The following RBMS3 variants were observed in gnomAD, a reference collection of about 807,000 sequenced individuals.
RBMS3 encodes RNA-binding motif, single-stranded-interacting protein 3.
Under a neutral mutation model 66.8 loss-of-function variants are expected in RBMS3, and 27 were observed. That is an observed-to-expected ratio of 0.40 (90% CI 0.30 to 0.56). The LOEUF (loss-of-function observed/expected upper bound fraction) is 0.56, where lower values mean the gene tolerates loss of function less well. Among genes scored for constraint, RBMS3 ranks in the 20% least tolerant of loss-of-function variants. The pLI is 0.40. For synonymous variants in RBMS3, 188 were observed against 183.0 expected (o/e 1.03, Z -0.22); for missense variants, 513 against 549.5 (o/e 0.93, Z 0.66).
At chr3:29,942,437 C>A (rs1270603646) in intron 11 of RBMS3, among the ~76,000 whole-genome samples, 1 of 151,682 alleles carries the variant, frequency 6.6e-6, no homozygotes, top group South Asian at 2.1e-4. Context: ...GCAGGAAGAT[C>A]AACTAAGCCC....
chr3:29,517,170 G>A lies in RBMS3; in HGVS notation c.307+28671G>A, dbSNP rs370673438. 1.7e-3 allele frequency among the ~76,000 whole-genome samples: 254 copies of A among 151,888 alleles called. 1 individual carries two copies. The highest frequency in any genetic ancestry group is 5.9e-3 in the African/African-American group (244 of 41,412). ...CAAGGCTGCAGAGCGTTTTGGTTGC[G>A]TCACTGCACTCCAGCCTGGGCGACA... On this transcript the variant is annotated intron_variant, in intron 3 of 14. Transcript: ENST00000383767.
At chr3:29,477,702 G>A (rs953042264) in intron 2 of RBMS3, among the ~76,000 whole-genome samples, 1 of 151,996 alleles carries the variant, frequency 6.6e-6, no homozygotes, top group South Asian at 2.1e-4. Context: ...AAAAATGAGA[G>A]ATATGTCAGT....
chr3:29,368,176 T>C lies in RBMS3; in HGVS notation c.76-66567T>C, dbSNP rs74519259. The stretch of plus-strand genomic sequence containing the variant: ...CTATCAAAATTGAGAAGTTTTATCC[T>C]GAAATAGCTTACCAATGGAAGTTAG... On this transcript the variant is annotated intron_variant, in intron 1 of 14. Coordinates refer to ENST00000383767, the MANE Select transcript of RBMS3 (RefSeq NM_001003793.3). Among the ~76,000 whole-genome samples the C allele has an allele frequency of 6.6e-3, 1,007 of 152,288 alleles. 10 individuals carry two copies. The highest frequency in any genetic ancestry group is 0.023 in the African/African-American group (953 of 41,576).
chr3:29,467,030 T>C (rs9873633), intron 2 of RBMS3, among the ~76,000 whole-genome samples: 57,505 of 151,770 alleles, frequency 0.38, 11,064 homozygotes, highest in Admixed American at 0.49. Context: ...CCAAAGGCTA[T>C]GGGGAAATTT....
At chr3:29,431,227 TG>T (rs2125717424) in intron 1 of RBMS3, among the ~76,000 whole-genome samples, 1 of 152,176 alleles carries the variant, frequency 6.6e-6, no homozygotes, top group African/African-American at 2.4e-5. Flanking sequence ...TAAAATTCTA[TG>T]TGAAAAATGT....
intron 1 of RBMS3, among the ~76,000 whole-genome samples, chr3:29,306,633 C>T (rs1459784252): frequency 6.6e-6 from 1 of 151,832 alleles, no homozygotes; most frequent in East Asian, 2.0e-4. Context: ...ACATTTCTGC[C>T]AGAACCAGAA....
At chr3:29,721,042 A>C (rs948784622) in intron 4 of RBMS3, among the ~76,000 whole-genome samples, 1 of 152,168 alleles carries the variant, frequency 6.6e-6, no homozygotes, top group Non-Finnish European at 1.5e-5. Context: ...GAATTTCAAA[A>C]ATATTTAGTG....
chr3:29,534,711 G>A (rs1463519053), intron 3 of RBMS3, among the ~76,000 whole-genome samples: 2 of 152,176 alleles, frequency 1.3e-5, no homozygotes, highest in East Asian at 3.9e-4. Flanking sequence ...AAATCTTCTA[G>A]ATGGTGACAA....
At chr3:29,556,213 C>T (rs1030292517) in intron 3 of RBMS3, 3 of 152,070 alleles carry the variant, frequency 2.0e-5, no homozygotes, top group African/African-American at 4.8e-5. Flanking sequence ...ATTAATGTAA[C>T]TTTATTTGAT....
intron 1 of RBMS3, among the ~76,000 whole-genome samples, chr3:29,293,677 C>G (rs1480235511): frequency 6.6e-6 from 1 of 151,626 alleles, no homozygotes. Flanking sequence ...TTCTCCATCT[C>G]CCTGTCTTTC....
intron 3 of RBMS3, among the ~76,000 whole-genome samples, chr3:29,566,079 C>CTTGACTAA (rs767539122): frequency 1.3e-5 from 2 of 152,182 alleles, no homozygotes; most frequent in Non-Finnish European, 2.9e-5. Flanking sequence ...CATTCACTTA[C>CTTGACTAA]TTATTGACTC....
At chr3:29,621,289 T>C (rs1359683296) in intron 4 of RBMS3, among the ~76,000 whole-genome samples, 1 of 152,116 alleles carries the variant, frequency 6.6e-6, no homozygotes. Flanking sequence ...TAAACTCTTA[T>C]GCCCTCTGAA....
At chr3:29,541,156 T>C (rs550572445) in intron 3 of RBMS3, among the ~76,000 whole-genome samples, 1 of 152,218 alleles carries the variant, frequency 6.6e-6, no homozygotes, top group East Asian at 1.9e-4. Flanking sequence ...ACTAAATGAA[T>C]ATAAAATATG....
chr3:29,316,563 C>T (rs1417516977), intron 1 of RBMS3, among the ~76,000 whole-genome samples: 1 of 151,602 alleles, frequency 6.6e-6, no homozygotes, highest in African/African-American at 2.4e-5. Context: ...TCACTCTGCT[C>T]TATGTAACAT....
At chr3:29,636,608 T>G (rs2049483793) in intron 4 of RBMS3, among the ~76,000 whole-genome samples, 1 of 151,938 alleles carries the variant, frequency 6.6e-6, no homozygotes, top group African/African-American at 2.4e-5. Flanking sequence ...TTTAAGCCAT[T>G]TAATGGGTTT....
intron 6 of RBMS3, among the ~76,000 whole-genome samples, chr3:29,765,159 G>C (rs1430261443): frequency 6.6e-6 from 1 of 151,938 alleles, no homozygotes; most frequent in Non-Finnish European, 1.5e-5. Flanking sequence ...TACAAGATAT[G>C]GGTATTTTGC....
At chr3:29,849,202 G>C (rs1437600019) in intron 6 of RBMS3, among the ~76,000 whole-genome samples, 2 of 151,690 alleles carry the variant, frequency 1.3e-5, no homozygotes, top group Non-Finnish European at 2.9e-5. Context: ...GTGTGTGTGT[G>C]TGTGTGTATT....
chr3:29,807,326 A>C (rs938336174), intron 6 of RBMS3, among the ~76,000 whole-genome samples: 5 of 151,956 alleles, frequency 3.3e-5, no homozygotes, highest in Non-Finnish European at 5.9e-5. Flanking sequence ...ATGAAGCAGA[A>C]ATTCTCATAC....
At position 29,868,909 on chromosome 3, in the gene RBMS3, G is replaced by A. The variant is rs534301556; in HGVS notation, c.689G>A (p.Arg230Gln). Residue 230 changes from arginine (R) to glutamine (Q), a missense_variant, in exon 7 of 15, where the codon CGA (arginine) becomes CAA (glutamine). By Grantham distance (43) the Arg-to-Gln change is conservative (BLOSUM62 1). Transcript: ENST00000383767. ...CKFADGGQKK[R>Q]QNQSKYTQNG... ...TTCGCTGATGGAGGACAAAAGAAGC[G>A]ACAGAATCAAAGCAAATATACCCAG... 4 of 1,604,880 alleles carry A rather than the reference G, an allele frequency of 2.5e-6. No individual in the cohort carries two copies. The highest frequency in any genetic ancestry group is 1.7e-5 in the Admixed American group (1 of 58,960).
Sources: allele counts gnomAD v4.1 joint callset (sites outside exome capture counted in the v4.1 genomes callset), GRCh38; gene constraint gnomAD v4.1.1; transcripts MANE v1.5; gene names NCBI Gene and HGNC (gene_info 2026-07-23, HGNC 2026-07-21).